TMEM204: variants seen among roughly 807,000 people sequenced by gnomAD.
The protein encoded by TMEM204 is claudin-like protein 24.
In TMEM204, 15 loss-of-function variants were observed where a neutral mutation model predicts 19.4. That is an observed-to-expected ratio of 0.77 (90% confidence interval 0.52 to 1.19). The LOEUF (loss-of-function observed/expected upper bound fraction) is 1.19. TMEM204 is among the 50% of genes most tolerant of loss of function. The pLI is 0.00. For synonymous variants in TMEM204, 161 were observed against 146.0 expected, an observed-to-expected ratio of 1.10 and a Z score of -0.74; for missense variants, 287 against 321.2, an observed-to-expected ratio of 0.89 and a Z score of 0.81.
At chr16:1,537,238 A>G (rs1386514935) in intron 1 of TMEM204, among the ~76,000 whole-genome samples, 1 of 151,636 alleles carries the variant, frequency 6.6e-6, no homozygotes, top group African/African-American at 2.4e-5. Context: ...CAGGGAAGAC[A>G]ACGCCACACC....
chr16:1,533,376 G>A (rs932164826), upstream of TMEM204: 3 of 152,470 alleles, frequency 2.0e-5, no homozygotes, highest in Non-Finnish European at 4.4e-5. The surrounding 1 kb of genome is among the most constrained non-coding windows in gnomAD (Gnocchi z 4.7). Context: ...GAAGTCCCCA[G>A]GGCAGGCAAT....
chr16:1,554,944 C>T lies in TMEM204; in HGVS notation c.599C>T (p.Pro200Leu). 1 of 1,614,138 alleles carries T rather than the reference C, an allele frequency of 6.2e-7. No homozygotes were observed. Among genetic ancestry groups the T allele is most frequent in the Non-Finnish European group, 8.5e-7 (1 of 1,180,042 alleles). The change falls in exon 3 of 3, where the codon CCC becomes CTC. Residue 200 changes from proline to leucine, a missense_variant. Transcript: ENST00000566264. The stretch of plus-strand genomic sequence containing the variant: ...CACAAGAGGGAGGACTGCATGGCCC[C>T]CCGGGTGATTGTCATCAGCCGCTCC... ...ILHKREDCMAPRVIVISRSLT... is the reference protein window; with the variant it reads ...ILHKREDCMALRVIVISRSLT...
intron 2 of TMEM204, among the ~76,000 whole-genome samples, chr16:1,544,853 TTAG>T (rs992704104): frequency 2.0e-5 from 3 of 151,866 alleles, no homozygotes; most frequent in African/African-American, 7.3e-5. Flanking sequence ...TTTCACCGTG[TTAG>T]CCAGGATGGT....
At chr16:1,531,182 C>T (rs1344077701), upstream of TMEM204, 7 of 152,186 alleles carry the variant, frequency 4.6e-5, no homozygotes, top group Admixed American at 4.6e-4. This position sits in a 1 kb window ranked among gnomAD's most constrained non-coding sequence, Gnocchi z 4.7. Context: ...AAGTAAACAC[C>T]CTCTTAGTTC....
chr16:1,534,964 G>C (rs1434446936), intron 1 of TMEM204, among the ~76,000 whole-genome samples: 1 of 152,148 alleles, frequency 6.6e-6, no homozygotes, highest in Non-Finnish European at 1.5e-5. Context: ...TAGCGCTTTG[G>C]GAGGCTGAGG....
rs2032595597 is a variant in TMEM204, at chr16:1,551,069, TTCC to T, written c.437-3707_437-3705del. Among the ~76,000 whole-genome samples, 1 of 152,210 alleles carries T rather than the reference TTCC, an allele frequency of 6.6e-6. No homozygotes were observed. The highest frequency in any genetic ancestry group is 2.4e-5 in the African/African-American group (1 of 41,456). On this transcript the variant is annotated intron_variant, in intron 2 of 2. Transcript: ENST00000566264. This position sits in a 1 kb window ranked among gnomAD's most constrained non-coding sequence, Gnocchi z 4.0. ...GGTCACTCAACTGCCAAGGCTGCTG[TTCC>T]TCCTCGCCTTTCCCGCAGCTCCACA...
rs1567364044 is a variant in TMEM204, at chr16:1,554,964, C to T, written c.619C>T (p.Arg207Cys). The change falls in exon 3 of 3, where the codon CGC (arginine) becomes TGC (cysteine). Residue 207 changes from arginine (R) to cysteine (C), a missense_variant. Physicochemically the swap from Arg to Cys is radical, Grantham distance 180 (BLOSUM62 -3). Transcript: ENST00000566264. Reference sequence around the variant, plus strand: ...GGCCCCCCGGGTGATTGTCATCAGCCGCTCCCTGACAGCGCGCTTTCGCCG... The same window carrying T: ...GGCCCCCCGGGTGATTGTCATCAGCTGCTCCCTGACAGCGCGCTTTCGCCG... The part of the protein sequence containing the change: ...CMAPRVIVIS[R>C]SLTARFRRGL... 1.9e-6 allele frequency: 3 copies of T among 1,614,002 alleles called. No individual in the cohort carries two copies. The highest frequency in any genetic ancestry group is 2.5e-6 in the Non-Finnish European group (3 of 1,180,018).
At chr16:1,540,638 G>A (rs1308423922) in intron 1 of TMEM204, among the ~76,000 whole-genome samples, 3 of 152,200 alleles carry the variant, frequency 2.0e-5, no homozygotes, top group Non-Finnish European at 2.9e-5. Flanking sequence ...CTGCTCCTGA[G>A]CCTGGATTCT....
At position 1,534,444 on chromosome 16, in the gene TMEM204, G is replaced by A. The variant is rs2030844572; in HGVS notation, c.169G>A (p.Gly57Arg). The A allele has an allele frequency of 1.2e-6, 2 of 1,611,770 alleles. No individual in the cohort carries two copies. Among genetic ancestry groups the A allele is most frequent in the Non-Finnish European group, 1.7e-6 (2 of 1,179,736 alleles). The change falls in exon 1 of 3, where the codon GGA (glycine) becomes AGA (arginine). Residue 57 changes from glycine (G) to arginine (R), a missense_variant. By Grantham distance (125) the Gly-to-Arg change is moderately radical. Coordinates refer to ENST00000566264, the MANE Select transcript of TMEM204 (RefSeq NM_024600.6). ...RSCWLVDRTR[G>R]GPSPGARAGQ... The stretch of plus-strand genomic sequence containing the variant: ...CTGCTGGCTGGTGGACAGGACCCGG[G>A]GAGGGCCGAGCCCTGGGGCCAGAGC...
intron 2 of TMEM204, among the ~76,000 whole-genome samples, chr16:1,547,202 A>C (rs898812221): frequency 3.9e-5 from 6 of 152,218 alleles, no homozygotes; most frequent in Non-Finnish European, 8.8e-5. Flanking sequence ...CATATAACCC[A>C]AAATTCCCTG....
intron 1 of TMEM204, chr16:1,541,001 G>A: frequency 3.0e-6 from 3 of 985,422 alleles, no homozygotes; most frequent in Non-Finnish European, 2.4e-6. Context: ...CCCTGTGTAA[G>A]GTTTTATTTG....
At chr16:1,537,684 G>A (rs941797228) in intron 1 of TMEM204, among the ~76,000 whole-genome samples, 1 of 152,176 alleles carries the variant, frequency 6.6e-6, no homozygotes, top group African/African-American at 2.4e-5. Flanking sequence ...TCCTCACTTC[G>A]TCTCGTTTTG....
At chr16:1,535,188 G>A (rs2030940860) in intron 1 of TMEM204, among the ~76,000 whole-genome samples, 1 of 152,188 alleles carries the variant, frequency 6.6e-6, no homozygotes, top group South Asian at 2.1e-4. Flanking sequence ...CCCCAGGGAT[G>A]AGCTTCAGAT....
rs775231673 is a variant in TMEM204, at chr16:1,555,047, A to C, written c.*21A>C. Reference sequence around the variant, plus strand: ...GCTGAGTCGCCCTTCTCAGCGCTCCATCAACGCACACCTGCTATCGTGGAA... The same window carrying C: ...GCTGAGTCGCCCTTCTCAGCGCTCCCTCAACGCACACCTGCTATCGTGGAA... On this transcript the variant is annotated 3_prime_UTR_variant, in exon 3 of 3. Coordinates refer to ENST00000566264, the MANE Select transcript of TMEM204 (RefSeq NM_024600.6). 3 of 1,595,314 alleles carry C rather than the reference A, an allele frequency of 1.9e-6. No individual in the cohort carries two copies. Among genetic ancestry groups the C allele is most frequent in the Non-Finnish European group, 1.7e-6 (2 of 1,171,056 alleles).
intron 1 of TMEM204, among the ~76,000 whole-genome samples, chr16:1,539,602 G>A (rs1364901451): frequency 5.3e-5 from 8 of 152,236 alleles, no homozygotes; most frequent in Non-Finnish European, 1.2e-4. Flanking sequence ...AGAGAACCTC[G>A]CGGGAGCGCT....
rs763985264 is a variant in TMEM204 at position 1,547,318 on chromosome 16, G to A, written c.436+5242G>A. ...CTGAGAAGCTGACTTGTAGAAGTCC[G>A]CTCTTCGTGTTTTATTCTGAACTGC... On this transcript the variant is annotated intron_variant, in intron 2 of 2. Coordinates refer to ENST00000566264, the MANE Select transcript of TMEM204 (RefSeq NM_024600.6). Among the ~76,000 whole-genome samples, 53 of 152,142 alleles carry A rather than the reference G, an allele frequency of 3.5e-4. 1 individual carries two copies. The highest frequency in any genetic ancestry group is 6.9e-4 in the Non-Finnish European group (47 of 68,036).
At chr16:1,552,740 T>C (rs904506133) in intron 2 of TMEM204, among the ~76,000 whole-genome samples, 1 of 150,546 alleles carries the variant, frequency 6.6e-6, no homozygotes, top group Non-Finnish European at 1.5e-5. Context: ...CCTCCGCCTC[T>C]TGGGTTCAAG....
At chr16:1,535,242 G>A (rs928575243) in intron 1 of TMEM204, among the ~76,000 whole-genome samples, 10 of 152,150 alleles carry the variant, frequency 6.6e-5, no homozygotes, top group Non-Finnish European at 1.2e-4. Context: ...GCTCGGAAGG[G>A]GACAGGGATG....
At chr16:1,539,334 T>C (rs2031402908) in intron 1 of TMEM204, among the ~76,000 whole-genome samples, 1 of 145,528 alleles carries the variant, frequency 6.9e-6, no homozygotes, top group Non-Finnish European at 1.5e-5. Context: ...GCAAGCCACA[T>C]GGTGCAAATG....
Sources: gnomAD v4.1 joint callset for allele counts (sites outside exome capture counted in the v4.1 genomes callset) on GRCh38, gnomAD v4.1.1 for gene constraint, Gnocchi (gnomAD v3.1) non-coding constraint, MANE v1.5 for transcripts, NCBI Gene and HGNC (gene_info 2026-07-23, HGNC 2026-07-21) for gene names.